Variants in DPP8 observed in about 807,000 individuals in gnomAD.
DPP8 encodes the protein DPP VIII.
DPP8 carries 31 observed loss-of-function variants against 107.5 expected under a neutral mutation model. That is an observed-to-expected ratio of 0.29 (90% CI 0.22 to 0.39). DPP8 has a LOEUF of 0.39. Ranked by LOEUF, DPP8 falls within the 10% of genes least tolerant of loss-of-function variation. The pLI is 1.00. For synonymous variants in DPP8, 381 were observed against 356.6 expected, an observed-to-expected ratio of 1.07 and a Z score of -0.77; for missense variants, 842 against 1,076.1, an observed-to-expected ratio of 0.78 and a Z score of 3.04.
intron 1 of DPP8, chr15:65,516,218 G>T (rs1315244267): frequency 6.3e-6 from 1 of 157,932 alleles, no homozygotes; most frequent in East Asian, 1.8e-4. Context: ...GATGGAGATA[G>T]AATTAACTCA....
chr15:65,454,136 CAA>C (rs370866269), intron 17 of DPP8, 125 bp downstream of exon 17: 13,392 of 345,010 alleles, frequency 0.039, no homozygotes, highest in South Asian at 0.053. Flanking sequence ...GACTTCGTCT[CAA>C]AAAAAAAAAA....
intron 19 of DPP8, 105 bp downstream of exon 19, chr15:65,450,894 G>C: frequency 1.1e-5 from 8 of 706,118 alleles, no homozygotes; most frequent in Non-Finnish European, 4.9e-6. Context: ...CTTAAGCAGA[G>C]GGTGGACACT....
chr15:65,487,649 A>G (rs1174961014), intron 7 of DPP8, 41 bp downstream of exon 7: 2 of 1,572,102 alleles, frequency 1.3e-6, no homozygotes, highest in East Asian at 4.7e-5. Flanking sequence ...TTATTTGGAA[A>G]GAGGAAATGA....
At position 65,443,288 on chromosome 15, in the gene DPP8, C is replaced by A. The variant is rs1203312438; in HGVS notation, c.*3596G>T. 4 of 152,110 alleles carry A rather than the reference C, an allele frequency of 2.6e-5. No individual in the cohort carries two copies. The highest frequency in any genetic ancestry group is 1.3e-4 in the Admixed American group (2 of 15,268). The allele number at this position is 152,110 out of a possible 1,614,324, so 9.4% of individuals were successfully genotyped here. A position where few individuals can be genotyped will look rare whatever the true frequency, so the allele number is the denominator to read the frequency against. On this transcript the variant is annotated 3_prime_UTR_variant, in exon 20 of 20. Transcript: ENST00000300141. ...ACTGGATACTAACTGGCTGTGTGGT[C>A]GTGGGTATATTTCCTCCTCTCTCTC...
At chr15:65,506,770 GA>G (rs1239666881) in intron 3 of DPP8, among the ~76,000 whole-genome samples, 1 of 149,554 alleles carries the variant, frequency 6.7e-6, no homozygotes, top group East Asian at 1.9e-4. Context: ...TTTTTAATAA[GA>G]AAAAATAAAG....
At chr15:65,457,235 T>C (rs555516065) in intron 15 of DPP8, among the ~76,000 whole-genome samples, 6 of 152,160 alleles carry the variant, frequency 3.9e-5, no homozygotes, top group Middle Eastern at 3.4e-3. Context: ...GTGCCTGTGA[T>C]CCCAGTCACT....
intron 5 of DPP8, among the ~76,000 whole-genome samples, chr15:65,492,128 G>A (rs2068099538): frequency 6.6e-6 from 1 of 151,922 alleles, no homozygotes; most frequent in Non-Finnish European, 1.5e-5. Flanking sequence ...GACTGCTTGA[G>A]CTCAGGAGTT....
chr15:65,452,267 A>C (rs965735167), intron 17 of DPP8, among the ~76,000 whole-genome samples, 165 bp from the exon 18 acceptor site: 2 of 152,162 alleles, frequency 1.3e-5, no homozygotes, highest in African/African-American at 4.8e-5. Flanking sequence ...TGAAGCGCTA[A>C]GGTCAAGAAT....
rs139344024 is a variant in DPP8, at chr15:65,504,594, G to A, written c.372+2649C>T. On this transcript the variant is annotated intron_variant, in intron 3 of 19. Coordinates refer to ENST00000300141, the MANE Select transcript of DPP8 (RefSeq NM_130434.5). ...TGAGGCAGGAGAATCGCTTGAACCT[G>A]GGAGGCGGAGGTTGCAGTGAGCTGA... 2.9e-3 allele frequency among the ~76,000 whole-genome samples: 439 copies of A among 149,138 alleles called. 1 individual carries two copies. Among genetic ancestry groups the A allele is most frequent in the African/African-American group, 0.01 (423 of 40,402 alleles).
At chr15:65,515,786 C>T in intron 1 of DPP8, 1 of 1,168,554 alleles carries the variant, frequency 8.6e-7, no homozygotes, top group Non-Finnish European at 1.3e-6. Flanking sequence ...TCCTCACCAT[C>T]AAAGCCTGCT....
chr15:65,481,756 A>T, intron 8 of DPP8, 141 bp from the exon 9 acceptor site: 2 of 509,770 alleles, frequency 3.9e-6, no homozygotes, highest in Non-Finnish European at 6.8e-6. Flanking sequence ...GGATATAGCA[A>T]ATCTAGAAGT....
chr15:65,472,179 C>T (rs1054297870), intron 12 of DPP8, among the ~76,000 whole-genome samples: 4 of 152,172 alleles, frequency 2.6e-5, no homozygotes, highest in Non-Finnish European at 5.9e-5. Context: ...TGTATAAATG[C>T]CCATCACTCT....
intron 11 of DPP8, among the ~76,000 whole-genome samples, chr15:65,478,397 C>T (rs1356387655): frequency 6.6e-6 from 1 of 152,080 alleles, no homozygotes; most frequent in East Asian, 1.9e-4. Context: ...TAAGCTAAGA[C>T]TACAGGTGCA....
intron 15 of DPP8, among the ~76,000 whole-genome samples, chr15:65,460,045 G>A (rs1595881774): frequency 6.6e-6 from 1 of 152,004 alleles, no homozygotes; most frequent in African/African-American, 2.4e-5. Context: ...ACCATTTTAA[G>A]CATACAATTC....
rs577556107 is a variant in DPP8, at chr15:65,445,038, T to C, written c.*1846A>G. The C allele has an allele frequency of 3.7e-4, 57 of 152,252 alleles. No individual in the cohort carries two copies. The highest frequency in any genetic ancestry group is 1.3e-3 in the African/African-American group (56 of 41,536). The allele number at this position is 152,252 out of a possible 1,614,324, so 9.4% of individuals were successfully genotyped here. A position where few individuals can be genotyped will look rare whatever the true frequency, so the allele number is the denominator to read the frequency against. ...TCTTGGCATGGGAAAATATCAAACA[T>C]GAAAAGCAATACATATACAGATAAT... On this transcript the variant is annotated 3_prime_UTR_variant, in exon 20 of 20. Transcript: ENST00000300141.
chr15:65,494,462 C>G (rs2068372829), intron 5 of DPP8, among the ~76,000 whole-genome samples: 1 of 151,364 alleles, frequency 6.6e-6, no homozygotes, highest in South Asian at 2.1e-4. Context: ...GGCTCAAGAG[C>G]TCTTCCCACC....
At position 65,478,879 on chromosome 15, in the gene DPP8, C is replaced by T; in HGVS notation, c.1456+1G>A. 1 of 1,553,962 alleles carries T rather than the reference C, an allele frequency of 6.4e-7. No individual in the cohort carries two copies. The highest frequency in any genetic ancestry group is 8.6e-7 in the Non-Finnish European group (1 of 1,157,686). On this transcript the variant is annotated splice_donor_variant, in intron 11 of 19. Transcript: ENST00000300141. LOFTEE classifies it high-confidence loss of function. Reference sequence around the variant, plus strand: ...TTTTTAAAATAAAATGGATTTCTTACTTGGAGCAGGCAGCCCACCACTGGA... The same window carrying T: ...TTTTTAAAATAAAATGGATTTCTTATTTGGAGCAGGCAGCCCACCACTGGA...
chr15:65,494,386 A>T (rs2068364206), intron 5 of DPP8, among the ~76,000 whole-genome samples: 2 of 151,244 alleles, frequency 1.3e-5, no homozygotes, highest in Non-Finnish European at 1.5e-5. Flanking sequence ...GGTAATTTTT[A>T]TTATTTTTTA....
intron 2 of DPP8, chr15:65,511,825 T>C (rs1368215923): frequency 4.0e-6 from 1 of 248,116 alleles, no homozygotes. Context: ...GGAACCTACC[T>C]TTAAAAATTT....
Sources: gnomAD v4.1 joint callset for allele counts (sites outside exome capture counted in the v4.1 genomes callset) on GRCh38, gnomAD v4.1.1 for gene constraint, MANE v1.5 for transcripts, NCBI Gene and HGNC (gene_info 2026-07-23, HGNC 2026-07-21) for gene names.